PPARGC1B: variants seen among roughly 807,000 people sequenced by gnomAD.
The protein encoded by PPARGC1B is peroxisome proliferator-activated receptor gamma coactivator 1-beta.
PPARGC1B carries 34 observed loss-of-function variants against 101.6 expected under a neutral mutation model. The observed-to-expected ratio is 0.33, with a 90% CI of 0.25 to 0.45. PPARGC1B has a LOEUF of 0.45. Ranked by LOEUF, PPARGC1B falls within the 20% of genes least tolerant of loss-of-function variation. The pLI is 1.00. For missense variants in PPARGC1B, 1,234 were observed against 1,317.6 expected, an observed-to-expected ratio of 0.94 and a Z score of 0.98; for synonymous variants, 548 against 539.3, an observed-to-expected ratio of 1.02 and a Z score of -0.22.
At chr5:149,818,958 A>G (rs867679156) in intron 1 of PPARGC1B, 8 of 447,226 alleles carry the variant, frequency 1.8e-5, no homozygotes, top group African/African-American at 1.4e-4. Context: ...CAGGGCCAAC[A>G]GAACATCACC....
intron 2 of PPARGC1B, among the ~76,000 whole-genome samples, chr5:149,823,581 C>T (rs1195081180): frequency 4.6e-5 from 7 of 152,086 alleles, no homozygotes; most frequent in Non-Finnish European, 7.3e-5. Flanking sequence ...ATTAACTCTC[C>T]ATTAATTTGC....
Position 149,832,805 on chromosome 5 carries a change from C to T in PPARGC1B, c.732C>T (p.Ala244=). The change falls in exon 5 of 12, where the codon GCC becomes GCT. Residue 244 remains alanine (A), a synonymous_variant. Coordinates refer to ENST00000309241, the MANE Select transcript of PPARGC1B (RefSeq NM_133263.4). The surrounding 1 kb of genome is among the most constrained non-coding windows in gnomAD (Gnocchi z 4.9). ...PPCLQSPRLP[A]KEDKEPGEDC... The stretch of plus-strand genomic sequence containing the variant: ...GCCTCCAGAGTCCCCGGCTCCCTGC[C>T]AAGGAGGACAAGGAGCCGGGTGAGG... 2 of 1,611,790 alleles carry T rather than the reference C, an allele frequency of 1.2e-6. No homozygotes were observed. Among genetic ancestry groups the T allele is most frequent in the Non-Finnish European group, 1.7e-6 (2 of 1,178,886 alleles).
At chr5:149,797,377 A>G (rs1757263804) in intron 1 of PPARGC1B, among the ~76,000 whole-genome samples, 1 of 152,256 alleles carries the variant, frequency 6.6e-6, no homozygotes, top group Non-Finnish European at 1.5e-5. Flanking sequence ...AAAAAAAAGT[A>G]TTAGTGGTAA....
rs1474666942 is a variant in PPARGC1B at position 149,845,852 on chromosome 5, C to T, written c.2909C>T (p.Pro970Leu). Residue 970 changes from proline (P) to leucine (L), a missense_variant, in exon 11 of 12, where the codon CCC (proline) becomes CTC (leucine). Pro to Leu is a moderately conservative substitution (Grantham distance 98). Transcript: ENST00000309241. ...KGAALRKRNE[P>L]SFQLSYGGLR... ...GCTGCCCTGAGGAAGCGCAACGAGC[C>T]CTCCTTCCAGCTGAGCTACGGAGGG... The T allele has an allele frequency of 6.2e-7, 1 of 1,614,260 alleles. No homozygotes were observed. The highest frequency in any genetic ancestry group is 1.7e-5 in the Admixed American group (1 of 60,036).
At chr5:149,822,487 C>G (rs1758341218) in intron 2 of PPARGC1B, among the ~76,000 whole-genome samples, 1 of 152,242 alleles carries the variant, frequency 6.6e-6, no homozygotes, top group South Asian at 2.1e-4. Flanking sequence ...TGACTGGGGC[C>G]TGTCCCCAGC....
intron 10 of PPARGC1B, 103 bp from the exon 11 acceptor site, chr5:149,845,657 T>C: frequency 8.1e-7 from 1 of 1,231,642 alleles, no homozygotes; most frequent in Non-Finnish European, 1.1e-6. Flanking sequence ...GTGATGTGGG[T>C]ATCGAATCAC....
intron 1 of PPARGC1B, among the ~76,000 whole-genome samples, chr5:149,784,534 GA>G (rs1256882471): frequency 6.9e-6 from 1 of 145,564 alleles, no homozygotes; most frequent in Non-Finnish European, 1.5e-5. Context: ...CAGGTGTCCT[GA>G]GCCTCACTCC....
intron 1 of PPARGC1B, among the ~76,000 whole-genome samples, chr5:149,789,903 T>G (rs1756951590): frequency 6.6e-6 from 1 of 152,196 alleles, no homozygotes; most frequent in South Asian, 2.1e-4. Context: ...TGTCAGTCTT[T>G]CAGGGCTTGA....
chr5:149,780,058 A>AG (rs1389932930), intron 1 of PPARGC1B, among the ~76,000 whole-genome samples: 2 of 152,164 alleles, frequency 1.3e-5, no homozygotes, highest in East Asian at 3.9e-4. Flanking sequence ...CTTTCCACCT[A>AG]GGGGAGTGTA....
intron 1 of PPARGC1B, among the ~76,000 whole-genome samples, chr5:149,760,307 C>T (rs1331406836): frequency 6.6e-6 from 1 of 152,282 alleles, no homozygotes; most frequent in South Asian, 2.1e-4. Flanking sequence ...TGGGCTATCC[C>T]AGCCGCAGTG....
intron 1 of PPARGC1B, among the ~76,000 whole-genome samples, chr5:149,746,686 A>T (rs962979003): frequency 6.6e-6 from 1 of 152,186 alleles, no homozygotes; most frequent in African/African-American, 2.4e-5. Flanking sequence ...ACTGTTTTCC[A>T]TGGTGGCTGT....
intron 1 of PPARGC1B, among the ~76,000 whole-genome samples, chr5:149,786,380 G>A (rs1561537862): frequency 6.6e-6 from 1 of 152,182 alleles, no homozygotes. Context: ...ACAGGCATGA[G>A]CCACCGCACC....
chr5:149,767,046 G>A (rs1424288431), intron 1 of PPARGC1B, among the ~76,000 whole-genome samples: 9 of 152,190 alleles, frequency 5.9e-5, no homozygotes, highest in Non-Finnish European at 8.8e-5. Context: ...GAGCTGTCCT[G>A]GAAACTCTTT....
intron 1 of PPARGC1B, among the ~76,000 whole-genome samples, chr5:149,786,654 C>T (rs1437606058): frequency 6.6e-6 from 1 of 152,192 alleles, no homozygotes; most frequent in Non-Finnish European, 1.5e-5. Context: ...TGTCTAACCC[C>T]CACTGGACAT....
intron 1 of PPARGC1B, among the ~76,000 whole-genome samples, chr5:149,791,919 G>T (rs1446128717): frequency 6.6e-6 from 1 of 152,214 alleles, no homozygotes; most frequent in Non-Finnish European, 1.5e-5. Flanking sequence ...GGATGAATGA[G>T]CACTTGCTGG....
intron 1 of PPARGC1B, among the ~76,000 whole-genome samples, chr5:149,766,985 C>T (rs1755933941): frequency 6.6e-6 from 1 of 152,208 alleles, no homozygotes; most frequent in Admixed American, 6.5e-5. Flanking sequence ...GTTGGTTCAG[C>T]TGACGAGGCT....
At chr5:149,732,084 G>C (rs917176218) in intron 1 of PPARGC1B, among the ~76,000 whole-genome samples, 2 of 151,224 alleles carry the variant, frequency 1.3e-5, no homozygotes, top group Admixed American at 1.3e-4. Context: ...GTGTGCACAC[G>C]CCGCGCGCGC....
At chr5:149,804,756 T>C (rs904965452) in intron 1 of PPARGC1B, among the ~76,000 whole-genome samples, 8 of 152,316 alleles carry the variant, frequency 5.3e-5, no homozygotes, top group African/African-American at 1.9e-4. Context: ...TCACTGCGAC[T>C]GAACAGTGGG....
intron 1 of PPARGC1B, among the ~76,000 whole-genome samples, chr5:149,749,462 C>G (rs73796242): frequency 6.6e-6 from 1 of 152,156 alleles, no homozygotes; most frequent in Non-Finnish European, 1.5e-5. Flanking sequence ...GGAGCCCCTC[C>G]GCTACTGCTG....
Sources: gnomAD v4.1 joint callset for allele counts (sites outside exome capture counted in the v4.1 genomes callset) on GRCh38, gnomAD v4.1.1 for gene constraint, Gnocchi (gnomAD v3.1) non-coding constraint, MANE v1.5 for transcripts, NCBI Gene and HGNC (gene_info 2026-07-23, HGNC 2026-07-21) for gene names.